GLI3: variants seen among roughly 807,000 people sequenced by gnomAD.
GLI3 encodes the protein transcription activator GLI3.
A neutral mutation model predicts 100.8 loss-of-function variants in GLI3; 20 were observed. The observed-to-expected ratio is 0.20, with a 90% CI of 0.14 to 0.29. The LOEUF is 0.29. Among genes scored for constraint, GLI3 ranks in the 10% least tolerant of loss-of-function variants. The probability of loss-of-function intolerance (pLI) is 1.00; values close to 1 mark genes in which losing one functional copy is unlikely to be tolerated. For synonymous variants in GLI3, 938 were observed against 860.5 expected (o/e 1.09, Z -1.58); for missense variants, 2,040 against 2,128.5 (o/e 0.96, Z 0.82).
Position 41,967,883 on chromosome 7 carries a change from C to A in GLI3, c.2144G>T (p.Ser715Ile). Reference protein sequence around the residue: ...PSPGGQSSCSSQQSPISNYSN... With the variant: ...PSPGGQSSCSIQQSPISNYSN... ...ATAGTTGCTGATGGGGGACTGTTGGCTGCTGCATGAAGACTGACCACCAGG... is the reference window on the plus strand; with the variant it reads ...ATAGTTGCTGATGGGGGACTGTTGGATGCTGCATGAAGACTGACCACCAGG... The change falls in exon 14 of 15, where the codon AGC (serine) becomes ATC (isoleucine). Residue 715 changes from serine (S) to isoleucine (I), a missense_variant. By Grantham distance (142) the Ser-to-Ile change is moderately radical (BLOSUM62 -2). This residue lies in a region of GLI3 where 327 missense variants were observed against 338.7 expected (regional missense o/e 0.97). Coordinates refer to ENST00000395925, the MANE Select transcript of GLI3 (RefSeq NM_000168.6). The A allele has an allele frequency of 6.2e-7, 1 of 1,614,118 alleles. No homozygotes were observed. The highest frequency in any genetic ancestry group is 1.1e-5 in the South Asian group (1 of 91,074).
chr7:41,987,834 C>T (rs1349857936), intron 10 of GLI3, among the ~76,000 whole-genome samples: 1 of 152,124 alleles, frequency 6.6e-6, no homozygotes, highest in Non-Finnish European at 1.5e-5. Flanking sequence ...TATATAATAA[C>T]TAGGTATAAA....
chr7:41,984,490 C>T (rs1266409099), intron 10 of GLI3, among the ~76,000 whole-genome samples: 1 of 152,154 alleles, frequency 6.6e-6, no homozygotes, highest in Non-Finnish European at 1.5e-5. Context: ...CAGAATGCTA[C>T]CACAAGGCTC....
At chr7:42,047,725 G>A (rs1474564721) in intron 5 of GLI3, among the ~76,000 whole-genome samples, 1 of 152,242 alleles carries the variant, frequency 6.6e-6, no homozygotes, top group Non-Finnish European at 1.5e-5. Context: ...CGATCCTTAA[G>A]AGCCTAAAAT....
At chr7:42,103,718 A>G (rs1196678016) in intron 3 of GLI3, among the ~76,000 whole-genome samples, 6 of 146,046 alleles carry the variant, frequency 4.1e-5, no homozygotes, top group African/African-American at 1.5e-4. Context: ...ACACTGAGGC[A>G]TAAAGACACT....
intron 10 of GLI3, among the ~76,000 whole-genome samples, chr7:42,004,608 T>A (rs760071871): frequency 1.5e-4 from 23 of 152,112 alleles, no homozygotes; most frequent in Non-Finnish European, 2.5e-4. Flanking sequence ...GAAAAAAATA[T>A]ATACTCCATT....
At chr7:42,215,441 T>A (rs901555018) in intron 2 of GLI3, among the ~76,000 whole-genome samples, 3 of 151,886 alleles carry the variant, frequency 2.0e-5, no homozygotes, top group African/African-American at 7.3e-5. Flanking sequence ...GAGCAGGAGG[T>A]GGTGGGAGGC....
chr7:42,033,992 T>C (rs1290413341), intron 7 of GLI3, among the ~76,000 whole-genome samples: 3 of 152,196 alleles, frequency 2.0e-5, no homozygotes. Flanking sequence ...CATTAGGTTT[T>C]ACATTATGAA....
intron 12 of GLI3, 51 bp downstream of exon 12, chr7:41,977,507 G>C (rs1787542977): frequency 1.3e-6 from 2 of 1,583,380 alleles, no homozygotes; most frequent in Non-Finnish European, 1.7e-6. Context: ...CCTTCCCCGG[G>C]ATAGTTCTTT....
chr7:42,042,155 GAC>G (rs1340676740), intron 6 of GLI3, among the ~76,000 whole-genome samples: 1 of 151,732 alleles, frequency 6.6e-6, no homozygotes, highest in African/African-American at 2.4e-5. Context: ...TGGGACTACA[GAC>G]ACACACCACC....
At chr7:42,012,927 C>T (rs1032806509) in intron 10 of GLI3, among the ~76,000 whole-genome samples, 3 of 152,166 alleles carry the variant, frequency 2.0e-5, no homozygotes, top group East Asian at 1.9e-4. Flanking sequence ...TGGGCTCTCC[C>T]GCATGTCCTA....
chr7:42,129,701 C>T (rs545036293), intron 3 of GLI3, among the ~76,000 whole-genome samples: 4 of 152,218 alleles, frequency 2.6e-5, no homozygotes, highest in African/African-American at 9.6e-5. Flanking sequence ...ATCTCAGCCA[C>T]TAGGGAGGCT....
At chr7:42,243,583 CTCACAGAGTCA>C (rs1327584369) in intron 1 of GLI3, among the ~76,000 whole-genome samples, 2 of 152,170 alleles carry the variant, frequency 1.3e-5, no homozygotes, top group Non-Finnish European at 2.9e-5. Context: ...CGATATTCAT[CTCACAGAGTCA>C]TTGTGATTTA....
intron 1 of GLI3, among the ~76,000 whole-genome samples, chr7:42,245,617 G>C (rs1366344366): frequency 1.3e-5 from 2 of 152,176 alleles, no homozygotes; most frequent in South Asian, 4.2e-4. Flanking sequence ...GGAGATGGAG[G>C]TTGCAGTGAG....
intron 2 of GLI3, among the ~76,000 whole-genome samples, chr7:42,160,648 G>A (rs1257702541): frequency 6.6e-6 from 1 of 152,150 alleles, no homozygotes; most frequent in African/African-American, 2.4e-5. Flanking sequence ...TATACTGCTA[G>A]AAATGTCTAA....
intron 2 of GLI3, among the ~76,000 whole-genome samples, chr7:42,190,660 G>GA (rs556720357): frequency 1.1e-4 from 16 of 152,050 alleles, no homozygotes; most frequent in African/African-American, 2.9e-4. Flanking sequence ...AAGACATATG[G>GA]AAAAAATTGC....
intron 7 of GLI3, among the ~76,000 whole-genome samples, chr7:42,030,696 G>GTTTTTTTTTTTTTTTTTTTTTTTT: frequency 7.5e-6 from 1 of 133,468 alleles, no homozygotes; most frequent in Non-Finnish European, 1.6e-5. Flanking sequence ...TTGTTGATTT[G>GTTTTTTTTTTTTTTTTTTTTTTTT]TTTTTTTTTT....
rs112550495 is a variant in GLI3 at position 42,162,736 on chromosome 7, C to A, written c.125-14268G>T. ...TGGACCAGCTAGAAAACGAAACCAC[C>A]CCTCCTATAAAATGAATGCACCTCA... On this transcript the variant is annotated intron_variant, in intron 2 of 14. Transcript: ENST00000395925. 1.2e-4 allele frequency among the ~76,000 whole-genome samples: 18 copies of A among 152,144 alleles called. 2 individuals are homozygous for A. The highest frequency in any genetic ancestry group is 4.3e-4 in the African/African-American group (18 of 41,530).
chr7:42,053,297 C>A (rs1246861382), intron 4 of GLI3, among the ~76,000 whole-genome samples: 1 of 152,116 alleles, frequency 6.6e-6, no homozygotes, highest in African/African-American at 2.4e-5. Flanking sequence ...GCTCCCGGCC[C>A]AATTATTGTG....
intron 3 of GLI3, among the ~76,000 whole-genome samples, chr7:42,127,464 T>C (rs929801983): frequency 4.6e-5 from 7 of 152,222 alleles, no homozygotes; most frequent in Non-Finnish European, 8.8e-5. Flanking sequence ...CAGACTGTGG[T>C]GCCTTTAAAC....
Sources: gnomAD v4.1 joint callset for allele counts (sites outside exome capture counted in the v4.1 genomes callset) on GRCh38, gnomAD v4.1.1 for gene constraint, gnomAD v4.1.1 regional missense constraint, MANE v1.5 for transcripts, NCBI Gene and HGNC (gene_info 2026-07-23, HGNC 2026-07-21) for gene names.